PLXNA4: variants seen among roughly 807,000 people sequenced by gnomAD.
The protein encoded by PLXNA4 is plexin-A4.
Under a neutral mutation model 191.8 loss-of-function variants are expected in PLXNA4, and 44 were observed. The observed-to-expected ratio is 0.23, with a 90% CI of 0.18 to 0.29. The LOEUF (loss-of-function observed/expected upper bound fraction) is 0.29. Ranked by LOEUF, PLXNA4 falls within the 10% of genes least tolerant of loss-of-function variation. PLXNA4 has a pLI of 1.00. For synonymous variants in PLXNA4, 1,082 were observed against 1,009.5 expected, an observed-to-expected ratio of 1.07 and a Z score of -1.36; for missense variants, 1,800 against 2,488.8, an observed-to-expected ratio of 0.72 and a Z score of 5.89.
chr7:132,430,003 G>A (rs1248215396), intron 3 of PLXNA4, among the ~76,000 whole-genome samples: 1 of 152,164 alleles, frequency 6.6e-6, no homozygotes, highest in East Asian at 1.9e-4. Flanking sequence ...AGAAGAATAT[G>A]GAAGAGGAAT....
At chr7:132,553,998 C>T (rs1435146552) in intron 1 of PLXNA4, among the ~76,000 whole-genome samples, 1 of 152,108 alleles carries the variant, frequency 6.6e-6, no homozygotes. Context: ...AAAGCCCTGT[C>T]TAAAGAAAGA....
chr7:132,321,751 G>A (rs1256880662), intron 3 of PLXNA4, among the ~76,000 whole-genome samples: 1 of 152,202 alleles, frequency 6.6e-6, no homozygotes. Flanking sequence ...TGAGGGTGGG[G>A]AGGGGCAAAA....
chr7:132,284,973 C>T (rs1429116477), intron 4 of PLXNA4, among the ~76,000 whole-genome samples: 3 of 152,192 alleles, frequency 2.0e-5, no homozygotes, highest in East Asian at 3.9e-4. Context: ...CCTCAGCCTC[C>T]CAAAGTGCTG....
intron 9 of PLXNA4, among the ~76,000 whole-genome samples, chr7:132,220,810 CTTTTTT>C (rs35090579): frequency 3.0e-5 from 3 of 100,792 alleles, no homozygotes; most frequent in Non-Finnish European, 5.7e-5. Context: ...TTATTTTATT[CTTTTTT>C]TTTTTTTTTT....
intron 3 of PLXNA4, among the ~76,000 whole-genome samples, chr7:132,398,684 C>G (rs1793858179): frequency 6.6e-6 from 1 of 152,228 alleles, no homozygotes; most frequent in Non-Finnish European, 1.5e-5. Flanking sequence ...AAAAGCTCAG[C>G]CTCTTTCGGC....
intron 19 of PLXNA4, among the ~76,000 whole-genome samples, chr7:132,180,301 A>C (rs1309410773): frequency 6.6e-6 from 1 of 152,228 alleles, no homozygotes; most frequent in African/African-American, 2.4e-5. Context: ...TCCCTGGGCC[A>C]GCAACAGCCT....
At chr7:132,192,051 A>G (rs561668864) in intron 14 of PLXNA4, among the ~76,000 whole-genome samples, 4 of 152,254 alleles carry the variant, frequency 2.6e-5, no homozygotes, top group South Asian at 2.1e-4. Context: ...TCCTATGTGC[A>G]TTCTGTGACA....
intron 4 of PLXNA4, among the ~76,000 whole-genome samples, chr7:132,297,581 G>C (rs1397054799): frequency 6.6e-6 from 1 of 152,098 alleles, no homozygotes; most frequent in African/African-American, 2.4e-5. Context: ...TCCACAAAGA[G>C]TTGTATGTAC....
chr7:132,216,174 G>A (rs961941217), intron 9 of PLXNA4, among the ~76,000 whole-genome samples: 2 of 152,198 alleles, frequency 1.3e-5, no homozygotes, highest in African/African-American at 4.8e-5. Context: ...GCAGAGGATT[G>A]GAGAATTGCT....
chr7:132,212,879 C>T lies in PLXNA4; in HGVS notation c.2098-1736G>A, dbSNP rs542379778. On this transcript the variant is annotated intron_variant, in intron 9 of 31. Coordinates refer to ENST00000321063, the MANE Select transcript of PLXNA4 (RefSeq NM_020911.2). ...CCTGAAGGGCAGCTGAAAGAGGAGC[C>T]GCAGATCCAGAAATTCCACTCCTGG... Among the ~76,000 whole-genome samples the T allele has an allele frequency of 4.2e-4, 64 of 152,242 alleles. 1 individual carries two copies. Among genetic ancestry groups the T allele is most frequent in the South Asian group, 8.3e-4 (4 of 4,818 alleles).
intron 3 of PLXNA4, among the ~76,000 whole-genome samples, chr7:132,395,302 G>GGGCT: frequency 6.6e-6 from 1 of 152,298 alleles, no homozygotes; most frequent in East Asian, 1.9e-4. Context: ...TGAGGACAAG[G>GGGCT]GGCTGGCTGG....
chr7:132,505,999 T>G (rs1798451335), intron 2 of PLXNA4, among the ~76,000 whole-genome samples: 1 of 152,098 alleles, frequency 6.6e-6, no homozygotes, highest in Non-Finnish European at 1.5e-5. Flanking sequence ...TGGCTCTGAT[T>G]TGTCAACTTT....
At chr7:132,282,678 T>C (rs1800529818) in intron 4 of PLXNA4, among the ~76,000 whole-genome samples, 3 of 132,008 alleles carry the variant, frequency 2.3e-5, no homozygotes, top group South Asian at 5.1e-4. Context: ...GTAGTTCTAA[T>C]AGTTTCTCCC....
intron 1 of PLXNA4, among the ~76,000 whole-genome samples, chr7:132,567,782 A>C (rs1801798993): frequency 6.6e-6 from 1 of 152,224 alleles, no homozygotes. Flanking sequence ...TGCCAGTAGC[A>C]GCTTCTTCAC....
Position 132,182,109 on chromosome 7 carries a change from C to T in PLXNA4, c.3240G>A (p.Lys1080=). Residue 1080 remains lysine (K), a synonymous_variant, in exon 17 of 32, where the codon AAG becomes AAA. Coordinates refer to ENST00000321063, the MANE Select transcript of PLXNA4 (RefSeq NM_020911.2). ...NPQIRAKHGG[K]EHINICEVLN... ...GCCCTACACTCACATTGATGTGCTC[C>T]TTCCCTCCATGCTTGGCACGGATCT... 3 of 1,614,180 alleles carry T rather than the reference C, an allele frequency of 1.9e-6. No individual in the cohort carries two copies. The highest frequency in any genetic ancestry group is 2.5e-6 in the Non-Finnish European group (3 of 1,180,036).
At chr7:132,463,131 G>A (rs184676026) in intron 3 of PLXNA4, among the ~76,000 whole-genome samples, 25 of 152,152 alleles carry the variant, frequency 1.6e-4, no homozygotes, top group Non-Finnish European at 3.2e-4. Flanking sequence ...GATTACAGGC[G>A]TGAGCCATCG....
chr7:132,181,246 A>G, intron 18 of PLXNA4, 135 bp downstream of exon 18: 1 of 1,452,820 alleles, frequency 6.9e-7, no homozygotes, highest in South Asian at 1.3e-5. Context: ...AACATTTATC[A>G]CACTCTGGGC....
At chr7:132,595,050 T>G (rs114174965) in intron 2 of PLXNA4, among the ~76,000 whole-genome samples, 2 of 149,518 alleles carry the variant, frequency 1.3e-5, no homozygotes, top group Non-Finnish European at 3.0e-5. Flanking sequence ...GACAGATAGA[T>G]AGAGAGCTTT....
At chr7:132,577,099 G>A (rs1802277777), upstream of PLXNA4, 1 of 146,536 alleles carries the variant, frequency 6.8e-6, no homozygotes, top group Non-Finnish European at 1.5e-5. Context: ...CCCCGGGGAG[G>A]CGCGGGGCTG....
Sources: allele counts gnomAD v4.1 joint callset (sites outside exome capture counted in the v4.1 genomes callset), GRCh38; gene constraint gnomAD v4.1.1; transcripts MANE v1.5; gene names NCBI Gene and HGNC (gene_info 2026-07-23, HGNC 2026-07-21).